Variants in NUTM2E observed in about 807,000 individuals in gnomAD.
The protein encoded by NUTM2E is family with sequence similarity 22, member E.
A neutral mutation model predicts 26.1 loss-of-function variants in NUTM2E; 3 were observed. The ratio of observed to expected loss-of-function variants is 0.12; its 90% CI spans 0.05 to 0.30. The LOEUF (loss-of-function observed/expected upper bound fraction) is 0.30. NUTM2E is among the 10% of genes least tolerant of loss of function. The pLI is 1.00. For synonymous variants in NUTM2E, 13 were observed against 157.5 expected (o/e 0.08, Z 6.87); for missense variants, 62 against 381.3 (o/e 0.16, Z 6.97).
chr10:79,827,269 A>G lies in NUTM2E; in HGVS notation c.-2816A>G, dbSNP rs1260187302. On this transcript the variant is annotated 5_prime_UTR_variant, in exon 1 of 10. Coordinates refer to ENST00000429984, the MANE Select transcript of NUTM2E (RefSeq NM_001355263.2). The stretch of plus-strand genomic sequence containing the variant: ...AATACCTACTGTGCGGGATTATTCA[A>G]CAAGCCGATTGATCACATTCTTCAG... The G allele has an allele frequency of 6.5e-6, 1 of 153,094 alleles. No individual in the cohort carries two copies. The highest frequency in any genetic ancestry group is 1.5e-5 in the Non-Finnish European group (1 of 67,908). The allele number at this position is 153,094 out of a possible 1,614,324, so 9.5% of individuals were successfully genotyped here. A position where few individuals can be genotyped will look rare whatever the true frequency, so the allele number is the denominator to read the frequency against.
intron 1 of NUTM2E, among the ~76,000 whole-genome samples, chr10:79,837,056 T>G (rs1279154830): frequency 6.6e-6 from 1 of 151,794 alleles, no homozygotes; most frequent in African/African-American, 2.4e-5. Context: ...AAAGGCAATG[T>G]GGAGGAGGAT....
rs1307776832 is a variant in NUTM2E at position 79,841,084 on chromosome 10, C to G, written c.-657C>G. Reference sequence around the variant, plus strand: ...GACACTGGATTCCAAACAGCAAGAACGTATGGTGAAGACGAGGCCAACAGT... The same window carrying G: ...GACACTGGATTCCAAACAGCAAGAAGGTATGGTGAAGACGAGGCCAACAGT... On this transcript the variant is annotated 5_prime_UTR_variant, in exon 4 of 10. Coordinates refer to ENST00000429984, the MANE Select transcript of NUTM2E (RefSeq NM_001355263.2). 1.7e-5 allele frequency among the ~76,000 whole-genome samples: 2 copies of G among 116,492 alleles called. No homozygotes were observed. Among genetic ancestry groups the G allele is most frequent in the African/African-American group, 6.1e-5 (2 of 32,620 alleles). 76.4% of individuals were successfully genotyped at this position (116,492 alleles called of 152,430 possible). A position where few individuals can be genotyped will look rare whatever the true frequency, so the allele number is the denominator to read the frequency against.
At chr10:79,837,443 G>T (rs1841970494) in intron 1 of NUTM2E, among the ~76,000 whole-genome samples, 1 of 152,130 alleles carries the variant, frequency 6.6e-6, no homozygotes, top group Admixed American at 6.5e-5. Flanking sequence ...GCCTTGCTTT[G>T]GGGAAATTAG....
chr10:79,833,979 A>G (rs921045729), intron 1 of NUTM2E, among the ~76,000 whole-genome samples: 2 of 151,946 alleles, frequency 1.3e-5, no homozygotes, highest in Admixed American at 1.3e-4. Context: ...CATTAATGAT[A>G]GACTGGATAA....
chr10:79,832,937 A>G (rs1841936058), intron 1 of NUTM2E, among the ~76,000 whole-genome samples: 1 of 151,740 alleles, frequency 6.6e-6, no homozygotes, highest in Admixed American at 6.6e-5. Flanking sequence ...ATTTAAGTGA[A>G]CACACTTACT....
At chr10:79,834,158 C>G (rs1841945750) in intron 1 of NUTM2E, among the ~76,000 whole-genome samples, 1 of 150,474 alleles carries the variant, frequency 6.6e-6, no homozygotes, top group South Asian at 2.1e-4. Flanking sequence ...GGGAGTTGAA[C>G]AATGACACGT....
In NUTM2E at chr10:79,840,617, T is replaced by TTGCCCC. The variant is rs916401422; in HGVS notation, c.-1108_-1103dup. On this transcript the variant is annotated 5_prime_UTR_variant, in exon 4 of 10. Coordinates refer to ENST00000429984, the MANE Select transcript of NUTM2E (RefSeq NM_001355263.2). ...GGGCTTGAGACTTGCAATCCACCAC[T>TTGCCCC]TGCCCCTGCCCCTGCCCCTGCAGTG... Among the ~76,000 whole-genome samples the TTGCCCC allele has an allele frequency of 9.0e-4, 135 of 149,810 alleles. No individual in the cohort carries two copies. The highest frequency in any genetic ancestry group is 2.5e-4 in the African/African-American group (10 of 40,656).
At chr10:79,832,303 T>C (rs1841932207) in intron 1 of NUTM2E, among the ~76,000 whole-genome samples, 1 of 151,470 alleles carries the variant, frequency 6.6e-6, no homozygotes, top group African/African-American at 2.4e-5. Context: ...GGGAGATGTC[T>C]ATGTGTGTGT....
At chr10:79,839,210 G>C (rs2132418559) in intron 3 of NUTM2E, among the ~76,000 whole-genome samples, 95 bp downstream of exon 3, 2 of 151,076 alleles carry the variant, frequency 1.3e-5, no homozygotes, top group East Asian at 3.9e-4. Flanking sequence ...TCCTCAAATT[G>C]CATGTCTTGC....
intron 1 of NUTM2E, among the ~76,000 whole-genome samples, chr10:79,833,136 A>G (rs1295731503): frequency 6.6e-6 from 1 of 151,946 alleles, no homozygotes; most frequent in African/African-American, 2.4e-5. Flanking sequence ...AGATGCAGAG[A>G]ATTCTATTTA....
rs546873587 is a variant in NUTM2E, at chr10:79,834,322, T to A, written c.-2727-3987T>A. On this transcript the variant is annotated intron_variant, in intron 1 of 9. Coordinates refer to ENST00000429984, the MANE Select transcript of NUTM2E (RefSeq NM_001355263.2). Reference sequence around the variant, plus strand: ...TATACCTATGTAACAAGCCTGCATCTTCTACACATGTATAACTTAAGTATC... The same window carrying A: ...TATACCTATGTAACAAGCCTGCATCATCTACACATGTATAACTTAAGTATC... 2.0e-5 allele frequency among the ~76,000 whole-genome samples: 3 copies of A among 151,878 alleles called. No homozygotes were observed. The East Asian group carries it at 5.8e-4, about 29-fold the overall frequency.
At chr10:79,834,331 TG>T (rs1384573024) in intron 1 of NUTM2E, among the ~76,000 whole-genome samples, 1 of 151,794 alleles carries the variant, frequency 6.6e-6, no homozygotes, top group East Asian at 1.9e-4. Flanking sequence ...CTTCTACACA[TG>T]TATAACTTAA....
At chr10:79,836,562 TACTC>T (rs1841964786) in intron 1 of NUTM2E, among the ~76,000 whole-genome samples, 2 of 151,944 alleles carry the variant, frequency 1.3e-5, no homozygotes, top group African/African-American at 4.8e-5. Flanking sequence ...ATCGACAGCG[TACTC>T]ACTATTGTTC....
intron 1 of NUTM2E, among the ~76,000 whole-genome samples, chr10:79,827,795 G>GT (rs57414762): frequency 3.3e-4 from 42 of 127,616 alleles, no homozygotes; most frequent in Non-Finnish European, 4.5e-4. Flanking sequence ...TTTTTTTTTT[G>GT]TTTTTTTTTT....
chr10:79,832,255 C>G (rs1841931976), intron 1 of NUTM2E, among the ~76,000 whole-genome samples: 1 of 151,708 alleles, frequency 6.6e-6, no homozygotes, highest in Non-Finnish European at 1.5e-5. Flanking sequence ...TAAATGGAAG[C>G]AGTGGGATTA....
intron 1 of NUTM2E, among the ~76,000 whole-genome samples, chr10:79,835,005 ATTAC>A (rs749325856): frequency 4.6e-5 from 7 of 151,150 alleles, no homozygotes; most frequent in Non-Finnish European, 8.8e-5. Flanking sequence ...TCAATCTTCT[ATTAC>A]TTTTAATATT....
chr10:79,828,070 C>T (rs1841900294), intron 1 of NUTM2E, among the ~76,000 whole-genome samples: 3 of 151,552 alleles, frequency 2.0e-5, no homozygotes, highest in African/African-American at 7.3e-5. Flanking sequence ...GCTGGGATTA[C>T]AGGCGTGAGC....
chr10:79,838,237 C>G (rs1841975899), intron 1 of NUTM2E, among the ~76,000 whole-genome samples, 72 bp from the exon 2 acceptor site: 1 of 128,152 alleles, frequency 7.8e-6, no homozygotes, highest in African/African-American at 2.9e-5. Context: ...TGGCCACACT[C>G]TTGCATCCAC....
Position 79,828,056 on chromosome 10 carries a change from A to G in NUTM2E, c.-2728+699A>G, listed in dbSNP as rs1215883662. 3.3e-5 allele frequency among the ~76,000 whole-genome samples: 5 copies of G among 151,390 alleles called. 1 individual carries two copies. Among genetic ancestry groups the G allele is most frequent in the East Asian group, 1.9e-4 (1 of 5,168 alleles). On this transcript the variant is annotated intron_variant, in intron 1 of 9. Coordinates refer to ENST00000429984, the MANE Select transcript of NUTM2E (RefSeq NM_001355263.2). Reference sequence around the variant, plus strand: ...GTGATACGCCCACCTCGGCCTCCCAAAGTGCTGGGATTACAGGCGTGAGCC... The same window carrying G: ...GTGATACGCCCACCTCGGCCTCCCAGAGTGCTGGGATTACAGGCGTGAGCC...
Sources: gnomAD v4.1 joint callset for allele counts (sites outside exome capture counted in the v4.1 genomes callset) on GRCh38, gnomAD v4.1.1 for gene constraint, MANE v1.5 for transcripts, NCBI Gene and HGNC (gene_info 2026-07-23, HGNC 2026-07-21) for gene names.